C10orf67: variants seen among roughly 807,000 people sequenced by gnomAD.
C10orf67 encodes chromosome 10 open reading frame 67.
C10orf67 carries 60 observed loss-of-function variants against 35.6 expected under a neutral mutation model. That is an observed-to-expected ratio of 1.68 (90% CI 1.37 to 2.09). The LOEUF (loss-of-function observed/expected upper bound fraction) is 2.09. Ranked by LOEUF, C10orf67 falls within the 30% of genes most tolerant of loss-of-function variation. C10orf67 has a pLI of 0.00. For missense variants in C10orf67, 474 were observed against 330.2 expected, an observed-to-expected ratio of 1.44 and a Z score of -3.38; for synonymous variants, 167 against 115.8, an observed-to-expected ratio of 1.44 and a Z score of -2.84.
intron 7 of C10orf67, among the ~76,000 whole-genome samples, chr10:23,287,626 G>C (rs1162589714): frequency 6.6e-6 from 1 of 152,064 alleles, no homozygotes; most frequent in Non-Finnish European, 1.5e-5. Flanking sequence ...TTGACGAATG[G>C]GATCTGATTA....
chr10:23,218,366 T>C (rs1841488053), intron 15 of C10orf67, among the ~76,000 whole-genome samples: 1 of 150,358 alleles, frequency 6.7e-6, no homozygotes. Flanking sequence ...CAGGTGGTTC[T>C]CAAACCCCTG....
intron 2 of C10orf67, among the ~76,000 whole-genome samples, chr10:23,332,232 A>G (rs1181784977): frequency 1.3e-5 from 2 of 152,242 alleles, no homozygotes; most frequent in African/African-American, 2.4e-5. Flanking sequence ...AGGAAACTCT[A>G]TGTGTCAATA....
intron 12 of C10orf67, among the ~76,000 whole-genome samples, chr10:23,246,003 T>C (rs934260392): frequency 1.3e-5 from 2 of 152,158 alleles, no homozygotes; most frequent in African/African-American, 4.8e-5. Flanking sequence ...ACATATGCGA[T>C]GGAATACTGC....
At chr10:23,314,538 T>C (rs946493444) in intron 4 of C10orf67, among the ~76,000 whole-genome samples, 1 of 149,430 alleles carries the variant, frequency 6.7e-6, no homozygotes, top group South Asian at 2.1e-4. Flanking sequence ...AAACTTATTA[T>C]CTCACAGTTT....
intron 15 of C10orf67, among the ~76,000 whole-genome samples, chr10:23,210,481 G>A (rs899427437): frequency 1.3e-5 from 2 of 152,070 alleles, no homozygotes; most frequent in South Asian, 4.2e-4. Context: ...GTGCAGTGGT[G>A]TGATCTTGAC....
intron 3 of C10orf67, among the ~76,000 whole-genome samples, chr10:23,321,078 TAA>T (rs1554816151): frequency 6.6e-6 from 1 of 152,214 alleles, no homozygotes; most frequent in Non-Finnish European, 1.5e-5. Context: ...TTCACTTGAG[TAA>T]AGTCTTTCAG....
chr10:23,225,590 T>A (rs1405005391), intron 13 of C10orf67, among the ~76,000 whole-genome samples: 3 of 151,780 alleles, frequency 2.0e-5, no homozygotes, highest in African/African-American at 7.3e-5. Context: ...GGAAAAAGAG[T>A]CAAGACCCAT....
At chr10:23,336,535 G>A (rs879382164) in intron 1 of C10orf67, among the ~76,000 whole-genome samples, 3 of 152,052 alleles carry the variant, frequency 2.0e-5, no homozygotes, top group Admixed American at 6.5e-5. Context: ...TATTTTTTGA[G>A]ACAGAGTCTT....
intron 15 of C10orf67, among the ~76,000 whole-genome samples, chr10:23,208,632 G>T (rs569626659): frequency 7.9e-4 from 121 of 152,256 alleles, no homozygotes; most frequent in Admixed American, 4.7e-3. Context: ...CTTTGCTTAG[G>T]TTTTCATAAA....
rs370838465 is a variant in C10orf67 at position 23,333,200 on chromosome 10, G to T, written c.207-18C>A. The T allele has an allele frequency of 6.5e-5, 103 of 1,584,926 alleles. No individual in the cohort carries two copies. Among genetic ancestry groups the T allele is most frequent in the Non-Finnish European group, 8.4e-5 (98 of 1,160,540 alleles). On this transcript the variant is annotated intron_variant, in intron 1 of 15. Transcript: ENST00000636213. Reference sequence around the variant, plus strand: ...TGTTAAGTCTGAAAACAAAGGAAATGAAATGTGCTTTAAGTCATAGATATT... The same window carrying T: ...TGTTAAGTCTGAAAACAAAGGAAATTAAATGTGCTTTAAGTCATAGATATT...
chr10:23,251,421 T>C (rs1009388319), intron 10 of C10orf67, among the ~76,000 whole-genome samples: 1 of 152,222 alleles, frequency 6.6e-6, no homozygotes, highest in African/African-American at 2.4e-5. Context: ...CAAGAAAGGA[T>C]CTACCAACTG....
In C10orf67 at chr10:23,235,208, G is replaced by A. The variant is rs1436928344; in HGVS notation, c.1434+4521C>T. On this transcript the variant is annotated intron_variant, in intron 13 of 15. Coordinates refer to ENST00000636213, the MANE Select transcript of C10orf67 (RefSeq NM_001371909.1). ...ACATAGTCAATTGATCTAGAAAAAC[G>A]GAACTGGTGAAATTCAATGAAAAAA... Among the ~76,000 whole-genome samples the A allele has an allele frequency of 1.1e-4, 17 of 152,020 alleles. 1 individual carries two copies. The highest frequency in any genetic ancestry group is 7.9e-4 in the Admixed American group (12 of 15,254).
At chr10:23,278,068 G>A (rs539749739) in intron 8 of C10orf67, among the ~76,000 whole-genome samples, 2 of 152,262 alleles carry the variant, frequency 1.3e-5, no homozygotes, top group African/African-American at 2.4e-5. Context: ...GGGAGATGAC[G>A]CTAAACCATT....
In C10orf67 at chr10:23,333,058, T is replaced by A; in HGVS notation, c.327+4A>T. ...CAGAAGTTTCAGAACAAATTCAGAT[T>A]TACCTGTGCTAACTTTTGCGTAGAT... On this transcript the variant is annotated splice_donor_region_variant and intron_variant, in intron 2 of 15. Transcript: ENST00000636213. 1 of 1,608,800 alleles carries A rather than the reference T, an allele frequency of 6.2e-7. No individual in the cohort carries two copies. Among genetic ancestry groups the A allele is most frequent in the South Asian group, 1.1e-5 (1 of 89,240 alleles).
At chr10:23,225,923 A>C (rs1468461224) in intron 13 of C10orf67, among the ~76,000 whole-genome samples, 1 of 152,176 alleles carries the variant, frequency 6.6e-6, no homozygotes, top group Non-Finnish European at 1.5e-5. Context: ...TAATAATGGG[A>C]GACTTTGACA....
rs776789227 is a variant in C10orf67, at chr10:23,318,956, G to A, written c.546+1785C>T. On this transcript the variant is annotated intron_variant, in intron 4 of 15. Coordinates refer to ENST00000636213, the MANE Select transcript of C10orf67 (RefSeq NM_001371909.1). ...CAAGCATCAGAAGGAGACATAAAAT[G>A]TCAAGCAAAGAAAAAGAAAGGGTCT... 5.2e-6 allele frequency: 4 copies of A among 762,598 alleles called. No individual in the cohort carries two copies. The East Asian group carries it at 7.4e-5, about 14-fold the overall frequency. The allele number at this position is 762,598 out of a possible 1,614,324, so 47.2% of individuals were successfully genotyped here. A position where few individuals can be genotyped will look rare whatever the true frequency, so the allele number is the denominator to read the frequency against.
rs147930175 is a variant in C10orf67, at chr10:23,260,340, C to T, written c.1200+5922G>A. Among the ~76,000 whole-genome samples the T allele has an allele frequency of 1.1e-4, 17 of 151,860 alleles. No homozygotes were observed. The East Asian group carries it at 2.1e-3, about 19-fold the overall frequency. On this transcript the variant is annotated intron_variant, in intron 10 of 15. Transcript: ENST00000636213. The stretch of plus-strand genomic sequence containing the variant: ...GGCAAAAAAAAGGGTTTTTTCCAGA[C>T]ACAAACAAAAACTAAGAGAATTCAT...
At chr10:23,220,408 C>G (rs757834249) in intron 15 of C10orf67, among the ~76,000 whole-genome samples, 2 of 152,122 alleles carry the variant, frequency 1.3e-5, no homozygotes, top group Non-Finnish European at 2.9e-5. Context: ...CTGTTTTACA[C>G]AACAGGAAGC....
intron 1 of C10orf67, among the ~76,000 whole-genome samples, chr10:23,338,671 A>C (rs1845774875): frequency 6.6e-6 from 1 of 152,096 alleles, no homozygotes; most frequent in South Asian, 2.1e-4. Flanking sequence ...CATATAACCC[A>C]TCACCCAGAA....
Sources: allele counts gnomAD v4.1 joint callset (sites outside exome capture counted in the v4.1 genomes callset), GRCh38; gene constraint gnomAD v4.1.1; transcripts MANE v1.5; gene names NCBI Gene and HGNC (gene_info 2026-07-23, HGNC 2026-07-21).